The following FGF14 variants were observed in gnomAD, a reference collection of about 807,000 sequenced individuals.
The protein encoded by FGF14 is fibroblast growth factor 14, also known as fibroblast growth factor homologous factor 4.
A neutral mutation model predicts 25.5 loss-of-function variants in FGF14; 5 were observed. The observed-to-expected ratio is 0.20, with a 90% CI of 0.10 to 0.41. The LOEUF is 0.41. Among genes scored for constraint, FGF14 ranks in the 10% least tolerant of loss-of-function variants. The pLI is 1.00. For missense variants in FGF14, 222 were observed against 320.1 expected (o/e 0.69, Z 2.34); for synonymous variants, 138 against 118.3 (o/e 1.17, Z -1.08).
chr13:101,883,451 G>C (rs1243095279), intron 1 of FGF14, among the ~76,000 whole-genome samples: 1 of 152,114 alleles, frequency 6.6e-6, no homozygotes, highest in Non-Finnish European at 1.5e-5. Flanking sequence ...CCTTTAGGAG[G>C]CATTTACTGT....
chr13:102,121,329 T>G (rs530039066), intron 1 of FGF14, among the ~76,000 whole-genome samples: 1 of 152,258 alleles, frequency 6.6e-6, no homozygotes, highest in South Asian at 2.1e-4. Context: ...CAAAATCTCC[T>G]TTGCCCAAGG....
intron 1 of FGF14, among the ~76,000 whole-genome samples, chr13:102,209,792 C>A (rs539289984): frequency 6.6e-6 from 1 of 152,206 alleles, no homozygotes; most frequent in South Asian, 2.1e-4. Flanking sequence ...TTAAGGGTTC[C>A]TAGCCAATGA....
At chr13:102,297,208 C>G (rs1046686225) in intron 1 of FGF14, among the ~76,000 whole-genome samples, 1 of 152,022 alleles carries the variant, frequency 6.6e-6, no homozygotes, top group East Asian at 1.9e-4. Context: ...AAATATCAGA[C>G]AAATTCAAAT....
chr13:102,364,656 G>A (rs116750396), intron 1 of FGF14, among the ~76,000 whole-genome samples: 1 of 152,262 alleles, frequency 6.6e-6, no homozygotes, highest in African/African-American at 2.4e-5. Context: ...ATTATACAAT[G>A]GCAGAGACAG....
At chr13:102,139,264 G>T (rs2046535963) in intron 1 of FGF14, among the ~76,000 whole-genome samples, 1 of 151,978 alleles carries the variant, frequency 6.6e-6, no homozygotes, top group African/African-American at 2.4e-5. Context: ...GCCAGGCGTG[G>T]TAGCACGTGC....
chr13:101,825,337 A>C (rs903118043), intron 3 of FGF14, among the ~76,000 whole-genome samples: 4 of 152,220 alleles, frequency 2.6e-5, no homozygotes, highest in African/African-American at 9.6e-5. Flanking sequence ...TGGCATCAGA[A>C]GTAAAGATTC....
intron 1 of FGF14, among the ~76,000 whole-genome samples, chr13:102,268,064 T>C (rs2053076002): frequency 6.6e-6 from 1 of 152,068 alleles, no homozygotes; most frequent in South Asian, 2.1e-4. Context: ...ATTTATGAAA[T>C]CAATAAATGT....
At chr13:101,859,442 C>T (rs1249772065) in intron 3 of FGF14, among the ~76,000 whole-genome samples, 1 of 152,000 alleles carries the variant, frequency 6.6e-6, no homozygotes, top group African/African-American at 2.4e-5. Flanking sequence ...CAATTTTTAA[C>T]TTATCTTTGA....
At chr13:102,353,891 T>A (rs968279207) in intron 1 of FGF14, among the ~76,000 whole-genome samples, 1 of 152,292 alleles carries the variant, frequency 6.6e-6, no homozygotes, top group South Asian at 2.1e-4. Flanking sequence ...TACTTTGACT[T>A]CATTCTCATT....
intron 1 of FGF14, among the ~76,000 whole-genome samples, chr13:102,374,449 T>A (rs1438393924): frequency 6.6e-6 from 1 of 151,552 alleles, no homozygotes; most frequent in East Asian, 1.9e-4. Flanking sequence ...GGGAGTATGT[T>A]TGCAGTCTAA....
chr13:102,053,568 G>C (rs916916420), intron 1 of FGF14, among the ~76,000 whole-genome samples: 3 of 152,106 alleles, frequency 2.0e-5, no homozygotes, highest in Admixed American at 2.0e-4. Flanking sequence ...ATGGGGTATA[G>C]TAAAAGCAGT....
At chr13:102,382,275 T>C (rs1488818719) in intron 1 of FGF14, among the ~76,000 whole-genome samples, 1 of 152,022 alleles carries the variant, frequency 6.6e-6, no homozygotes, top group Non-Finnish European at 1.5e-5. Context: ...AAAGAGCTCT[T>C]ACAACTCAAA....
chr13:102,168,404 C>A (rs540952767), intron 1 of FGF14, among the ~76,000 whole-genome samples: 55 of 152,208 alleles, frequency 3.6e-4, no homozygotes, highest in African/African-American at 1.3e-3. Context: ...GTCTTGAACT[C>A]CTGACCTCAG....
chr13:101,916,945 C>A lies in FGF14; in HGVS notation c.-300G>T, dbSNP rs1157928924. Among the ~76,000 whole-genome samples, 1 of 151,900 alleles carries A rather than the reference C, an allele frequency of 6.6e-6. No individual in the cohort carries two copies. The highest frequency in any genetic ancestry group is 1.5e-5 in the Non-Finnish European group (1 of 67,908). On this transcript the variant is annotated 5_prime_UTR_variant, in exon 1 of 5. Transcript: ENST00000376143. ...CGAGTGGAGAGCGGGACCGCGGCTG[C>A]GGGCGCTGCTGGTCACCGCTCGTCG...
chr13:102,282,063 C>CTTTT (rs745981500), intron 1 of FGF14, among the ~76,000 whole-genome samples: 1 of 89,810 alleles, frequency 1.1e-5, no homozygotes, highest in African/African-American at 4.9e-5. Context: ...AACCCTGCTT[C>CTTTT]TTTTTTTTTT....
In FGF14 at chr13:101,747,506, A is replaced by G. The variant is rs183216693; in HGVS notation, c.409-20696T>C. 9.2e-5 allele frequency among the ~76,000 whole-genome samples: 14 copies of G among 152,198 alleles called. 1 individual carries two copies. In the East Asian group the frequency reaches 2.7e-3, roughly 29 times the overall value. On this transcript the variant is annotated intron_variant, in intron 3 of 4. Coordinates refer to ENST00000376143, the MANE Select transcript of FGF14 (RefSeq NM_004115.4). Reference sequence around the variant, plus strand: ...CTCCTTCTAATTGTTAAGGGATGAGACAAGACTGCAGGTAGACTAGGACAC... The same window carrying G: ...CTCCTTCTAATTGTTAAGGGATGAGGCAAGACTGCAGGTAGACTAGGACAC...
intron 1 of FGF14, among the ~76,000 whole-genome samples, chr13:102,284,000 T>C (rs1380561738): frequency 2.0e-5 from 3 of 152,338 alleles, no homozygotes; most frequent in African/African-American, 4.8e-5. Flanking sequence ...AGGCAAAAAG[T>C]AGGTATTATA....
intron 1 of FGF14, among the ~76,000 whole-genome samples, chr13:102,241,767 A>C (rs906292167): frequency 8.5e-5 from 13 of 152,150 alleles, no homozygotes; most frequent in African/African-American, 3.1e-4. Context: ...ATGAAGATAG[A>C]CAAACCACTG....
At chr13:102,314,109 G>A (rs1207587164) in intron 1 of FGF14, among the ~76,000 whole-genome samples, 1 of 152,014 alleles carries the variant, frequency 6.6e-6, no homozygotes, top group African/African-American at 2.4e-5. Flanking sequence ...AAAAAAAATG[G>A]CTAATTTTCT....
Sources: gnomAD v4.1 joint callset for allele counts (sites outside exome capture counted in the v4.1 genomes callset) on GRCh38, gnomAD v4.1.1 for gene constraint, MANE v1.5 for transcripts, NCBI Gene and HGNC (gene_info 2026-07-23, HGNC 2026-07-21) for gene names.